ATG16L1: variants seen among roughly 807,000 people sequenced by gnomAD.
ATG16L1 encodes the protein autophagy-related protein 16-1.
Under a neutral mutation model 88.5 loss-of-function variants are expected in ATG16L1, and 37 were observed. The observed-to-expected ratio is 0.42, with a 90% CI of 0.32 to 0.55. The LOEUF (loss-of-function observed/expected upper bound fraction) is 0.55, where lower values mean the gene tolerates loss of function less well. Among genes scored for constraint, ATG16L1 ranks in the 20% least tolerant of loss-of-function variants. The pLI is 0.13. For synonymous variants in ATG16L1, 301 were observed against 281.0 expected, an observed-to-expected ratio of 1.07 and a Z score of -0.71; for missense variants, 554 against 752.8, an observed-to-expected ratio of 0.74 and a Z score of 3.09.
At position 233,289,909 on chromosome 2, in the gene ATG16L1, A is replaced by G. The variant is rs1242949611; in HGVS notation, c.1259A>G (p.Asn420Ser). Reference protein sequence around the residue: ...KVLSAKFLLDNARIVSGSHDR... With the variant: ...KVLSAKFLLDSARIVSGSHDR... ...CTGTCTGCTAAGTTCCTGCTGGACA[A>G]TGCGCGGATTGTCTCAGGAAGTCAC... Residue 420 changes from asparagine (N) to serine (S), a missense_variant, in exon 13 of 18, where the codon AAT becomes AGT. Asn to Ser is a conservative substitution (Grantham distance 46, BLOSUM62 1). Around this residue, in one of 5 missense-constraint regions of ATG16L1, gnomAD observed 370 missense variants for 509.7 expected, o/e 0.73. Coordinates refer to ENST00000392017, the MANE Select transcript of ATG16L1 (RefSeq NM_030803.7). 1.9e-6 allele frequency: 3 copies of G among 1,614,068 alleles called. No homozygotes were observed. Among genetic ancestry groups the G allele is most frequent in the African/African-American group, 2.7e-5 (2 of 74,936 alleles).
intron 10 of ATG16L1, among the ~76,000 whole-genome samples, chr2:233,279,735 T>A (rs1435304898): frequency 1.3e-5 from 2 of 152,168 alleles, no homozygotes; most frequent in African/African-American, 4.8e-5. Context: ...ATTATACAAA[T>A]GCTGTTGACA....
At chr2:233,280,536 T>G (rs1344872904) in intron 10 of ATG16L1, among the ~76,000 whole-genome samples, 1 of 152,194 alleles carries the variant, frequency 6.6e-6, no homozygotes, top group Admixed American at 6.5e-5. Flanking sequence ...AGATAAAGTA[T>G]GAGGGCAAAT....
At chr2:233,288,887 T>C (rs1193588170) in intron 12 of ATG16L1, 1 of 519,094 alleles carries the variant, frequency 1.9e-6, no homozygotes, top group African/African-American at 1.9e-5. Flanking sequence ...AGGGATTTGA[T>C]TGTTGGGAGT....
At chr2:233,257,060 C>T (rs13386783) in intron 2 of ATG16L1, among the ~76,000 whole-genome samples, 3,185 of 150,314 alleles carry the variant, frequency 0.021, 112 homozygotes, top group African/African-American at 0.074. Context: ...GATGGGGTCT[C>T]GCTCTGTCGC....
chr2:233,262,357 C>A (rs1172863705), intron 2 of ATG16L1, among the ~76,000 whole-genome samples: 1 of 152,208 alleles, frequency 6.6e-6, no homozygotes, highest in Non-Finnish European at 1.5e-5. Context: ...CCTTTTAAAA[C>A]CTAAGTCATT....
At chr2:233,292,537 C>T in intron 16 of ATG16L1, 103 bp downstream of exon 16, 1 of 1,407,914 alleles carries the variant, frequency 7.1e-7, no homozygotes, top group Non-Finnish European at 9.9e-7. Flanking sequence ...CAGTGCCCAA[C>T]CTATGTTTCC....
chr2:233,272,956 T>G lies in ATG16L1; in HGVS notation c.708-10T>G, dbSNP rs1698092595. The G allele has an allele frequency of 6.2e-7, 1 of 1,612,346 alleles. No individual in the cohort carries two copies. The highest frequency in any genetic ancestry group is 1.3e-5 in the African/African-American group (1 of 74,908). On this transcript the variant is annotated splice_polypyrimidine_tract_variant and intron_variant, in intron 6 of 17. Coordinates refer to ENST00000392017, the MANE Select transcript of ATG16L1 (RefSeq NM_030803.7). ...AGGAGAATCAAAGAATGTCTTGCCT[T>G]TCTTTCCAGGGATGATGACATTGAG...
chr2:233,294,506 T>G lies in ATG16L1; in HGVS notation c.*156T>G, dbSNP rs1699680642. 5 of 536,136 alleles carry G rather than the reference T, an allele frequency of 9.3e-6. No homozygotes were observed. Among genetic ancestry groups the G allele is most frequent in the Non-Finnish European group, 1.6e-5 (5 of 305,552 alleles). 33.2% of individuals were successfully genotyped at this position (536,136 alleles called of 1,614,324 possible). A position where few individuals can be genotyped will look rare whatever the true frequency, so the allele number is the denominator to read the frequency against. On this transcript the variant is annotated 3_prime_UTR_variant, in exon 18 of 18. Coordinates refer to ENST00000392017, the MANE Select transcript of ATG16L1 (RefSeq NM_030803.7). Reference sequence around the variant, plus strand: ...ACTGTAGCTTTGCCGTGAATGGGATTTCTGAAGATTTGACTGAGGTCTCTC... The same window carrying G: ...ACTGTAGCTTTGCCGTGAATGGGATGTCTGAAGATTTGACTGAGGTCTCTC...
intron 12 of ATG16L1, among the ~76,000 whole-genome samples, chr2:233,286,846 C>G (rs746989396): frequency 6.6e-6 from 1 of 151,574 alleles, no homozygotes; most frequent in Non-Finnish European, 1.5e-5. Context: ...AGGATGGTCT[C>G]GATCTCCTGA....
At chr2:233,267,938 G>A (rs1697724642) in intron 5 of ATG16L1, among the ~76,000 whole-genome samples, 1 of 152,182 alleles carries the variant, frequency 6.6e-6, no homozygotes, top group African/African-American at 2.4e-5. Flanking sequence ...GACCTGAGGA[G>A]TCTTCATTAC....
chr2:233,278,570 C>T (rs1372411978), intron 10 of ATG16L1, among the ~76,000 whole-genome samples: 1 of 152,126 alleles, frequency 6.6e-6, no homozygotes, highest in Non-Finnish European at 1.5e-5. Flanking sequence ...TCAGATACTA[C>T]GTGATTTACA....
rs754870237 is a variant in ATG16L1 at position 233,256,168 on chromosome 2, A to C, written c.182A>C (p.His61Pro). ...GCCCAGAAACTACAGGCTGAAAAGCATGACGTACCAAACAGGCACGAGATA... is the reference window on the plus strand; with the variant it reads ...GCCCAGAAACTACAGGCTGAAAAGCCTGACGTACCAAACAGGCACGAGATA... ...VLAQKLQAEK[H>P]DVPNRHEISP... Residue 61 changes from histidine (H) to proline (P), a missense_variant, in exon 2 of 18, where the codon CAT (histidine) becomes CCT (proline). His to Pro is a moderately conservative substitution (Grantham distance 77). Transcript: ENST00000392017. The C allele has an allele frequency of 6.2e-7, 1 of 1,614,180 alleles. No individual in the cohort carries two copies. Among genetic ancestry groups the C allele is most frequent in the Admixed American group, 1.7e-5 (1 of 60,028 alleles).
intron 6 of ATG16L1, 147 bp downstream of exon 6, chr2:233,270,214 C>G (rs1697900264): frequency 2.0e-6 from 1 of 512,590 alleles, no homozygotes. Context: ...GTGATCATAG[C>G]TTCTAATGTT....
chr2:233,267,544 CATTTT>C (rs751806049), intron 5 of ATG16L1, among the ~76,000 whole-genome samples: 2 of 152,110 alleles, frequency 1.3e-5, no homozygotes, highest in Admixed American at 6.5e-5. Flanking sequence ...TTTGATTTCT[CATTTT>C]ATACTTACCT....
At chr2:233,290,090 C>T in intron 13 of ATG16L1, 116 bp downstream of exon 13, 1 of 1,551,318 alleles carries the variant, frequency 6.4e-7, no homozygotes, top group Non-Finnish European at 8.8e-7. Context: ...GATCTGGCTT[C>T]ATGTTTAGAG....
chr2:233,266,449 ACC>A (rs34970142), intron 5 of ATG16L1, among the ~76,000 whole-genome samples: 1 of 152,164 alleles, frequency 6.6e-6, no homozygotes, highest in Non-Finnish European at 1.5e-5. Flanking sequence ...ACAGAGCGAG[ACC>A]CCATCCAGAA....
At chr2:233,286,643 T>TTTTTTTG (rs1553608374) in intron 12 of ATG16L1, among the ~76,000 whole-genome samples, 146 of 138,920 alleles carry the variant, frequency 1.1e-3, no homozygotes, top group African/African-American at 3.9e-3. Context: ...TTTTTTTTTT[T>TTTTTTTG]GAGACAGTGT....
chr2:233,278,855 A>G (rs776628232), intron 10 of ATG16L1, among the ~76,000 whole-genome samples: 27 of 152,196 alleles, frequency 1.8e-4, no homozygotes, highest in Non-Finnish European at 3.1e-4. Context: ...TTGCCCAGAA[A>G]CATTTAGCTT....
intron 2 of ATG16L1, among the ~76,000 whole-genome samples, chr2:233,261,086 G>A (rs1272685392): frequency 2.6e-5 from 4 of 152,154 alleles, no homozygotes; most frequent in African/African-American, 9.7e-5. Context: ...CTCCCGAATA[G>A]CTGGGACTAC....
Sources: gnomAD v4.1 joint callset for allele counts (sites outside exome capture counted in the v4.1 genomes callset) on GRCh38, gnomAD v4.1.1 for gene constraint, gnomAD v4.1.1 regional missense constraint, MANE v1.5 for transcripts, NCBI Gene and HGNC (gene_info 2026-07-23, HGNC 2026-07-21) for gene names.